FAM120B: variants seen among roughly 807,000 people sequenced by gnomAD.
FAM120B encodes constitutive coactivator of peroxisome proliferator-activated receptor gamma.
Under a neutral mutation model 96.3 loss-of-function variants are expected in FAM120B, and 83 were observed. The ratio of observed to expected loss-of-function variants is 0.86; its 90% confidence interval spans 0.72 to 1.03. The LOEUF (loss-of-function observed/expected upper bound fraction) is 1.03. Among genes scored for constraint, FAM120B ranks in the 50% least tolerant of loss-of-function variants. The pLI is 0.00. For synonymous variants in FAM120B, 407 were observed against 402.7 expected (o/e 1.01, Z -0.13); for missense variants, 1,027 against 1,121.2 (o/e 0.92, Z 1.20).
chr6:170,375,882 A>T (rs1255436907), intron 6 of FAM120B, among the ~76,000 whole-genome samples: 1 of 152,164 alleles, frequency 6.6e-6, no homozygotes, highest in Non-Finnish European at 1.5e-5. Context: ...GGTAGGATTT[A>T]ATGAGTCAGA....
At chr6:170,358,458 G>C (rs2115185214) in intron 6 of FAM120B, 140 bp downstream of exon 6, 1 of 647,332 alleles carries the variant, frequency 1.5e-6, no homozygotes, top group Non-Finnish European at 2.7e-6. Context: ...GCAGTAGTTT[G>C]TCTTCGTCTC....
intron 4 of FAM120B, among the ~76,000 whole-genome samples, chr6:170,343,515 A>T (rs1356600288): frequency 2.0e-5 from 3 of 152,116 alleles, no homozygotes; most frequent in Non-Finnish European, 4.4e-5. Context: ...AAAAAGATTT[A>T]TCAGGACATT....
chr6:170,300,695 C>T (rs889817311), intron 1 of FAM120B, among the ~76,000 whole-genome samples: 2 of 152,224 alleles, frequency 1.3e-5, no homozygotes, highest in African/African-American at 4.8e-5. Context: ...CAAATACACC[C>T]GTTCCAAATA....
intron 3 of FAM120B, 69 bp downstream of exon 3, chr6:170,323,328 G>T (rs1342152559): frequency 5.5e-6 from 7 of 1,274,822 alleles, no homozygotes; most frequent in Non-Finnish European, 7.7e-6. Flanking sequence ...CTGGCCAGAT[G>T]AAATAGAGTG....
At chr6:170,403,272 T>C (rs1156976831) in intron 9 of FAM120B, among the ~76,000 whole-genome samples, 2 of 152,298 alleles carry the variant, frequency 1.3e-5, no homozygotes, top group African/African-American at 4.8e-5. Context: ...GGAATCTGCT[T>C]TTCAGACCAA....
chr6:170,353,158 C>T (rs2115163343), intron 5 of FAM120B, among the ~76,000 whole-genome samples: 1 of 152,266 alleles, frequency 6.6e-6, no homozygotes, highest in Non-Finnish European at 1.5e-5. Context: ...CATATGCCTT[C>T]TTGAGACTGA....
Position 170,318,887 on chromosome 6 carries a change from T to C in FAM120B, c.1497T>C (p.Cys499=), listed in dbSNP as rs1346287377. The part of the protein sequence containing the change: ...TDPESRQEIM[C]TGHESKQEVP... ...CTGAATCTAGGCAAGAAATTATGTG[T>C]ACAGGCCATGAATCCAAACAGGAAG... The change falls in exon 2 of 11, where the codon TGT becomes TGC. Residue 499 remains cysteine (C), a synonymous_variant. Transcript: ENST00000476287. 5.6e-6 allele frequency: 9 copies of C among 1,614,220 alleles called. No homozygotes were observed. The highest frequency in any genetic ancestry group is 1.3e-5 in the African/African-American group (1 of 75,068).
chr6:170,301,774 T>C (rs980031722), upstream of FAM120B, among the ~76,000 whole-genome samples: 8 of 152,222 alleles, frequency 5.3e-5, no homozygotes, highest in African/African-American at 1.9e-4. Context: ...TCCCAACAAC[T>C]TCCTCATCTC....
chr6:170,318,907 A>G lies in FAM120B; in HGVS notation c.1517A>G (p.Gln506Arg), dbSNP rs760772927. 6 of 1,614,126 alleles carry G rather than the reference A, an allele frequency of 3.7e-6. 1 individual carries two copies. In the South Asian group the frequency reaches 5.5e-5, roughly 15 times the overall value. ...ATGTGTACAGGCCATGAATCCAAAC[A>G]GGAAGTTCCCATATGTACAGATCCT... ...EIMCTGHESK[Q>R]EVPICTDPIS... The change falls in exon 2 of 11, where the codon CAG becomes CGG. Residue 506 changes from glutamine to arginine, a missense_variant. Gln to Arg is a conservative substitution (Grantham distance 43). Coordinates refer to ENST00000476287, the MANE Select transcript of FAM120B (RefSeq NM_032448.3).
intron 1 of FAM120B, among the ~76,000 whole-genome samples, chr6:170,300,152 G>C (rs769442302): frequency 1.4e-4 from 22 of 152,156 alleles, no homozygotes; most frequent in Non-Finnish European, 1.3e-4. Context: ...TTTATAAAGG[G>C]AAGAGGTTTA....
intron 4 of FAM120B, among the ~76,000 whole-genome samples, chr6:170,346,799 C>T (rs1787222426): frequency 6.6e-6 from 1 of 151,602 alleles, no homozygotes; most frequent in South Asian, 2.1e-4. Context: ...CTGGGTTTGT[C>T]CCGAGACTGC....
chr6:170,318,271 A>C lies in FAM120B; in HGVS notation c.881A>C (p.Lys294Thr). ...LEEILPLGPN[K>T]ALFYKGMASY... Reference sequence around the variant, plus strand: ...GAGATATTACCTCTGGGACCAAACAAAGCTCTTTTTTATAAAGGAATGGCA... The same window carrying C: ...GAGATATTACCTCTGGGACCAAACACAGCTCTTTTTTATAAAGGAATGGCA... The change falls in exon 2 of 11, where the codon AAA becomes ACA. Residue 294 changes from lysine to threonine, a missense_variant. Lys to Thr is a moderately conservative substitution (Grantham distance 78). Coordinates refer to ENST00000476287, the MANE Select transcript of FAM120B (RefSeq NM_032448.3). The C allele has an allele frequency of 1.2e-6, 2 of 1,614,072 alleles. No individual in the cohort carries two copies. The highest frequency in any genetic ancestry group is 1.7e-6 in the Non-Finnish European group (2 of 1,180,010).
rs1471508579 is a variant in FAM120B, at chr6:170,361,237, C to CGTATATATATATAT, written c.2283+2919_2283+2920insGTATATATATATAT. Among the ~76,000 whole-genome samples, 33 of 54,054 alleles carry CGTATATATATATAT rather than the reference C, an allele frequency of 6.1e-4. 2 individuals are homozygous for CGTATATATATATAT. The highest frequency in any genetic ancestry group is 1.8e-3 in the East Asian group (5 of 2,848). The allele number at this position is 54,054 out of a possible 152,430, so 35.5% of individuals were successfully genotyped here. On this transcript the variant is annotated intron_variant, in intron 6 of 10. Coordinates refer to ENST00000476287, the MANE Select transcript of FAM120B (RefSeq NM_032448.3). ...ATATATATATATATATATATATATA[C>CGTATATATATATAT]ACGTATATATATATATACGTGTATA...
intron 7 of FAM120B, 77 bp downstream of exon 7, chr6:170,388,570 G>A: frequency 7.8e-7 from 1 of 1,277,140 alleles, no homozygotes; most frequent in South Asian, 1.2e-5. Context: ...GAAGTCGGCT[G>A]TTGCATTTTT....
Position 170,391,114 on chromosome 6 carries a change from C to T in FAM120B, c.2592C>T (p.His864=), listed in dbSNP as rs373400806. The stretch of plus-strand genomic sequence containing the variant: ...CTGGCCGAGCCCACTGGGGCTCACA[C>T]CACGCAGGTGGGAAAGGGCCAGGTG... ...RITGRAHWGS[H]HAGRWGRQGS... is the part of the protein sequence containing the mutation. The change falls in exon 8 of 11, where the codon CAC becomes CAT. Residue 864 remains histidine (H), a synonymous_variant. Coordinates refer to ENST00000476287, the MANE Select transcript of FAM120B (RefSeq NM_032448.3). The T allele has an allele frequency of 3.7e-6, 6 of 1,613,126 alleles. No individual in the cohort carries two copies. In the South Asian group the frequency reaches 5.5e-5, roughly 15 times the overall value.
chr6:170,361,198 G>GTATATA (rs71010657), intron 6 of FAM120B, among the ~76,000 whole-genome samples: 2,291 of 65,478 alleles, frequency 0.035, 95 homozygotes, highest in Non-Finnish European at 0.043. Flanking sequence ...ATATATACGT[G>GTATATA]TATATATATA....
chr6:170,376,489 G>A (rs373087922), intron 6 of FAM120B, among the ~76,000 whole-genome samples: 1 of 152,090 alleles, frequency 6.6e-6, no homozygotes, highest in South Asian at 2.1e-4. Context: ...GGGGTGGGGG[G>A]GAGGCGGGCA....
intron 4 of FAM120B, chr6:170,330,876 G>A (rs1785982135): frequency 3.7e-6 from 1 of 270,316 alleles, no homozygotes; most frequent in Non-Finnish European, 7.1e-6. Context: ...CAGCCCCAGT[G>A]CCTGATGTCT....
At chr6:170,331,816 C>T (rs1786061014) in intron 4 of FAM120B, among the ~76,000 whole-genome samples, 1 of 152,212 alleles carries the variant, frequency 6.6e-6, no homozygotes, top group Admixed American at 6.5e-5. Flanking sequence ...GTGAAAACAT[C>T]CTCTGTTGCA....
Sources: allele counts gnomAD v4.1 joint callset (sites outside exome capture counted in the v4.1 genomes callset), GRCh38; gene constraint gnomAD v4.1.1; transcripts MANE v1.5; gene names NCBI Gene and HGNC (gene_info 2026-07-23, HGNC 2026-07-21).